The following ZNF713 variants were observed in gnomAD, a reference collection of about 807,000 sequenced individuals.
The protein encoded by ZNF713 is zinc finger protein 713.
In ZNF713, 21 loss-of-function variants were observed where a neutral mutation model predicts 28.7. That is an observed-to-expected ratio of 0.73 (90% CI 0.52 to 1.05). The LOEUF (loss-of-function observed/expected upper bound fraction) is 1.05, where lower values mean the gene tolerates loss of function less well. Among genes scored for constraint, ZNF713 ranks in the 50% least tolerant of loss-of-function variants. ZNF713 has a pLI of 0.00. For missense variants in ZNF713, 458 were observed against 532.4 expected, an observed-to-expected ratio of 0.86 and a Z score of 1.37; for synonymous variants, 167 against 178.0, an observed-to-expected ratio of 0.94 and a Z score of 0.49.
intron 6 of ZNF713, among the ~76,000 whole-genome samples, chr7:55,926,973 C>G (rs2116248229): frequency 6.6e-6 from 1 of 152,158 alleles, no homozygotes; most frequent in East Asian, 1.9e-4. Context: ...GAAACTCCAT[C>G]TCTACTAAAA....
At chr7:55,897,225 T>G (rs1279367981) in intron 1 of ZNF713, among the ~76,000 whole-genome samples, 1 of 151,930 alleles carries the variant, frequency 6.6e-6, no homozygotes, top group Non-Finnish European at 1.5e-5. Flanking sequence ...AGAAGCAAGA[T>G]ATGTACATAG....
At chr7:55,895,451 C>CTTTTTT (rs55972416) in intron 1 of ZNF713, among the ~76,000 whole-genome samples, 5 of 82,370 alleles carry the variant, frequency 6.1e-5, no homozygotes, top group East Asian at 3.5e-4. Context: ...CTGTTATACT[C>CTTTTTT]TTTTTTTTTT....
At chr7:55,934,516 T>C (rs990497782) in intron 6 of ZNF713, among the ~76,000 whole-genome samples, 1 of 152,070 alleles carries the variant, frequency 6.6e-6, no homozygotes, top group Non-Finnish European at 1.5e-5. Context: ...TTAGGTGCAT[T>C]TGGTAGAGCC....
At chr7:55,936,025 G>A (rs1329186234) in intron 6 of ZNF713, among the ~76,000 whole-genome samples, 2 of 151,792 alleles carry the variant, frequency 1.3e-5, no homozygotes. Flanking sequence ...AGCACTTTTG[G>A]AGGCGGAGGC....
chr7:55,910,470 A>C (rs1785765668), intron 2 of ZNF713, among the ~76,000 whole-genome samples: 1 of 151,626 alleles, frequency 6.6e-6, no homozygotes, highest in Non-Finnish European at 1.5e-5. Flanking sequence ...TATTCCTTTG[A>C]TGCTTGGTTT....
At chr7:55,921,652 G>T (rs1323162697) in intron 4 of ZNF713, among the ~76,000 whole-genome samples, 1 of 152,194 alleles carries the variant, frequency 6.6e-6, no homozygotes, top group Non-Finnish European at 1.5e-5. Flanking sequence ...AGATGTGGTG[G>T]AATTGCTGCT....
rs559245343 is a variant in ZNF713, at chr7:55,891,511, C to T, written c.-583+3831C>T. 7.8e-5 allele frequency among the ~76,000 whole-genome samples: 6 copies of T among 76,698 alleles called. No homozygotes were observed. In the East Asian group the frequency reaches 2.7e-3, roughly 34 times the overall value. 50.3% of individuals were successfully genotyped at this position (76,698 alleles called of 152,430 possible). On this transcript the variant is annotated intron_variant, in intron 1 of 6. Transcript: ENST00000429591. ...CCTGGGAAACATGGTGAGACCTGGT[C>T]GCTAATAACAACAACAACAACAACA...
At chr7:55,898,501 C>T (rs1785514536) in intron 1 of ZNF713, among the ~76,000 whole-genome samples, 1 of 152,194 alleles carries the variant, frequency 6.6e-6, no homozygotes, top group South Asian at 2.1e-4. Context: ...CAAGGGGAAG[C>T]AAGGACCTTC....
chr7:55,904,515 A>T (rs924707407), intron 1 of ZNF713, among the ~76,000 whole-genome samples: 9 of 151,916 alleles, frequency 5.9e-5, no homozygotes, highest in African/African-American at 2.2e-4. Context: ...CATGAACAAC[A>T]ACATAAAGGT....
intron 4 of ZNF713, among the ~76,000 whole-genome samples, chr7:55,922,927 G>A (rs181724989): frequency 7.2e-5 from 11 of 152,174 alleles, no homozygotes; most frequent in African/African-American, 2.2e-4. Flanking sequence ...CATTTTTCCC[G>A]TGCAGCAAAC....
intron 1 of ZNF713, among the ~76,000 whole-genome samples, chr7:55,900,485 T>C (rs1163836503): frequency 1.3e-5 from 2 of 151,000 alleles, no homozygotes; most frequent in Admixed American, 1.3e-4. Context: ...AAAAATGTGG[T>C]ATATATACAC....
intron 1 of ZNF713, among the ~76,000 whole-genome samples, chr7:55,887,888 G>A (rs1379547180): frequency 2.7e-5 from 3 of 111,538 alleles, no homozygotes; most frequent in African/African-American, 1.3e-4. Flanking sequence ...GGCGGCGGCG[G>A]GCGGCGGCGG....
intron 6 of ZNF713, among the ~76,000 whole-genome samples, chr7:55,929,364 G>A (rs962592670): frequency 1.1e-4 from 17 of 151,942 alleles, no homozygotes; most frequent in Non-Finnish European, 2.1e-4. Context: ...AATACATGTG[G>A]GCATTTAATA....
chr7:55,912,665 A>C lies in ZNF713; in HGVS notation c.29A>C (p.Gln10Pro), dbSNP rs1785806861. Residue 10 changes from glutamine (Q) to proline (P), a missense_variant, in exon 4 of 7, where the codon CAG becomes CCG. Physicochemically the swap from Gln to Pro is moderately conservative, Grantham distance 76 (BLOSUM62 -1). Coordinates refer to ENST00000429591, the MANE Select transcript of ZNF713 (RefSeq NM_182633.3). MPSQNAVFS[Q>P]EGNMEEEEMN... ...CCTTCTCAGAATGCTGTTTTTTCTC[A>C]GGAGGGGAACATGGAGGAGGAAGAA... 1.9e-6 allele frequency: 3 copies of C among 1,613,354 alleles called. No homozygotes were observed. The highest frequency in any genetic ancestry group is 2.5e-6 in the Non-Finnish European group (3 of 1,179,758).
At chr7:55,938,849 T>C in intron 6 of ZNF713, 133 bp from the exon 7 acceptor site, 1 of 917,816 alleles carries the variant, frequency 1.1e-6, no homozygotes, top group Non-Finnish European at 1.6e-6. Flanking sequence ...TTGAAAAACT[T>C]TCAATGCCGT....
intron 6 of ZNF713, among the ~76,000 whole-genome samples, chr7:55,934,516 T>G (rs990497782): frequency 6.6e-6 from 1 of 152,070 alleles, no homozygotes. Context: ...TTAGGTGCAT[T>G]TGGTAGAGCC....
Position 55,934,843 on chromosome 7 carries a change from A to G in ZNF713, c.308-4139A>G, listed in dbSNP as rs1012920215. On this transcript the variant is annotated intron_variant, in intron 6 of 6. Transcript: ENST00000429591. The stretch of plus-strand genomic sequence containing the variant: ...TTAAGAGAACAATTTGACAGAATTT[A>G]TCAAAATGTGTAGTGTGCAAACCCT... Among the ~76,000 whole-genome samples, 42 of 151,358 alleles carry G rather than the reference A, an allele frequency of 2.8e-4. 1 individual carries two copies. Among genetic ancestry groups the G allele is most frequent in the Non-Finnish European group, 5.6e-4 (38 of 67,948 alleles).
intron 2 of ZNF713, among the ~76,000 whole-genome samples, chr7:55,909,970 T>C (rs1785753912): frequency 2.0e-5 from 3 of 149,224 alleles, no homozygotes; most frequent in Non-Finnish European, 4.4e-5. Flanking sequence ...TATATACGTT[T>C]ATGTGTGTGT....
At chr7:55,936,488 T>A (rs545089853) in intron 6 of ZNF713, among the ~76,000 whole-genome samples, 32 of 152,046 alleles carry the variant, frequency 2.1e-4, no homozygotes, top group Non-Finnish European at 4.6e-4. Context: ...AGTGTCCCAA[T>A]TAAGACAATA....
Sources: gnomAD v4.1 joint callset for allele counts (sites outside exome capture counted in the v4.1 genomes callset) on GRCh38, gnomAD v4.1.1 for gene constraint, MANE v1.5 for transcripts, NCBI Gene and HGNC (gene_info 2026-07-23, HGNC 2026-07-21) for gene names.